Variants in LY75 observed in about 807,000 individuals in gnomAD.
The protein encoded by LY75 is lymphocyte antigen 75.
A neutral mutation model predicts 231.7 loss-of-function variants in LY75; 185 were observed. The observed-to-expected ratio is 0.80, with a 90% CI of 0.71 to 0.90. LY75 has a LOEUF of 0.90. Ranked by LOEUF, LY75 falls within the 40% of genes least tolerant of loss-of-function variation. The pLI, the probability that LY75 is intolerant of heterozygous loss-of-function variation, is 0.00. For missense variants in LY75, 1,947 were observed against 2,050.2 expected (o/e 0.95, Z 0.97); for synonymous variants, 668 against 689.0 (o/e 0.97, Z 0.48).
intron 31 of LY75, 78 bp downstream of exon 31, chr2:159,815,327 T>C: frequency 1.4e-6 from 2 of 1,478,040 alleles, no homozygotes; most frequent in South Asian, 2.8e-5. Context: ...TAAATAAAAA[T>C]TCCACTGAGC....
Position 159,879,430 on chromosome 2 carries a change from T to G in LY75, c.1405-61A>C. On this transcript the variant is annotated intron_variant, in intron 8 of 34. Transcript: ENST00000263636. ...AAATTATTTACCGCATATTCAGAAC[T>G]GAACTCACAAAAACTATGACAGAGA... 5 of 1,596,170 alleles carry G rather than the reference T, an allele frequency of 3.1e-6. No homozygotes were observed. In the South Asian group the frequency reaches 3.4e-5, roughly 11 times the overall value.
intron 6 of LY75, 107 bp from the exon 7 acceptor site, chr2:159,882,422 GA>G: frequency 6.9e-7 from 1 of 1,458,120 alleles, no homozygotes; most frequent in Non-Finnish European, 9.2e-7. Context: ...GAAAACTGGG[GA>G]CGTGATGTCA....
chr2:159,842,564 A>G (rs1684069419), intron 23 of LY75, among the ~76,000 whole-genome samples, 190 bp from the exon 24 acceptor site: 1 of 152,196 alleles, frequency 6.6e-6, no homozygotes, highest in Non-Finnish European at 1.5e-5. Context: ...AACTTTATAA[A>G]AAACAAAATA....
At chr2:159,893,600 C>T (rs1349820927) in intron 3 of LY75, among the ~76,000 whole-genome samples, 1 of 152,146 alleles carries the variant, frequency 6.6e-6, no homozygotes, top group Non-Finnish European at 1.5e-5. Context: ...CCCCTCTAGT[C>T]TTCTGAAACT....
intron 30 of LY75, 125 bp downstream of exon 30, chr2:159,816,681 T>C (rs569535342): frequency 5.9e-6 from 8 of 1,362,100 alleles, no homozygotes; most frequent in South Asian, 4.4e-5. Flanking sequence ...GAAAGCACCA[T>C]GCTATGCAAG....
At chr2:159,808,227 T>A (rs187933775) in intron 33 of LY75, 1 of 795,442 alleles carries the variant, frequency 1.3e-6, no homozygotes, top group Non-Finnish European at 1.5e-6. Context: ...CCACTTTATT[T>A]AACAGGATTT....
chr2:159,892,713 A>G (rs1685796944), intron 3 of LY75, among the ~76,000 whole-genome samples: 1 of 152,150 alleles, frequency 6.6e-6, no homozygotes, highest in Non-Finnish European at 1.5e-5. Flanking sequence ...TTGGTGAGAA[A>G]CTGTGTCTCA....
intron 11 of LY75, among the ~76,000 whole-genome samples, chr2:159,877,028 A>AAAAAAAAAAAAAAAAAAAAAAAAAAAG (rs1553810533): frequency 8.5e-6 from 1 of 117,094 alleles, no homozygotes; most frequent in Non-Finnish European, 1.8e-5. Context: ...AAAAAAAAAA[A>AAAAAAAAAAAAAAAAAAAAAAAAAAAG]AAAAAAGAAA....
intron 13 of LY75, 112 bp downstream of exon 13, chr2:159,872,339 A>T: frequency 7.1e-7 from 1 of 1,405,176 alleles, no homozygotes; most frequent in Non-Finnish European, 9.6e-7. Flanking sequence ...CTTTTAGATA[A>T]TAAAACATGT....
intron 3 of LY75, among the ~76,000 whole-genome samples, chr2:159,890,756 G>T (rs1685729630): frequency 6.6e-6 from 1 of 152,096 alleles, no homozygotes; most frequent in Admixed American, 6.5e-5. Flanking sequence ...CAGAGGGTTT[G>T]CCCACAGCCT....
At chr2:159,875,787 C>G in intron 11 of LY75, 144 bp from the exon 12 acceptor site, 1 of 1,021,338 alleles carries the variant, frequency 9.8e-7, no homozygotes, top group Non-Finnish European at 1.4e-6. Flanking sequence ...ATATGTTGTT[C>G]AGAATAATAA....
At chr2:159,817,093 T>C in intron 29 of LY75, 61 bp from the exon 30 acceptor site, 4 of 1,443,524 alleles carry the variant, frequency 2.8e-6, no homozygotes, top group Non-Finnish European at 3.7e-6. Flanking sequence ...ATCTTTTGGA[T>C]GAGACAACAT....
At chr2:159,864,673 G>A (rs1300150350) in intron 14 of LY75, among the ~76,000 whole-genome samples, 166 bp downstream of exon 14, 4 of 152,106 alleles carry the variant, frequency 2.6e-5, no homozygotes, top group African/African-American at 9.7e-5. Context: ...CTCAGGTAGT[G>A]TGATGGCCTC....
chr2:159,831,034 T>C (rs147913531), intron 28 of LY75, among the ~76,000 whole-genome samples: 1 of 152,238 alleles, frequency 6.6e-6, no homozygotes, highest in African/African-American at 2.4e-5. Context: ...AAGATTTATA[T>C]GGGATGGTGA....
In LY75 at chr2:159,808,092, G is replaced by A. The variant is rs1452289980; in HGVS notation, c.4822+357C>T. The A allele has an allele frequency of 3.0e-6, 3 of 984,988 alleles. No homozygotes were observed. In the East Asian group the frequency reaches 3.4e-4, roughly 112 times the overall value. 61.0% of individuals were successfully genotyped at this position (984,988 alleles called of 1,614,324 possible). On this transcript the variant is annotated intron_variant, in intron 33 of 34. Coordinates refer to ENST00000263636, the MANE Select transcript of LY75 (RefSeq NM_002349.4). ...GTTATAAGCTGCAAATCCATGCGGT[G>A]ACAGGCACTAGAACTCTAAGAGAAG...
intron 8 of LY75, among the ~76,000 whole-genome samples, chr2:159,880,768 G>A (rs1685411248): frequency 6.6e-6 from 1 of 152,170 alleles, no homozygotes; most frequent in Admixed American, 6.5e-5. Flanking sequence ...GGATGAAACT[G>A]TTCCACAAGG....
chr2:159,831,679 T>G lies in LY75; in HGVS notation c.3949A>C (p.Thr1317Pro). 1.9e-6 allele frequency: 3 copies of G among 1,608,934 alleles called. No individual in the cohort carries two copies. The highest frequency in any genetic ancestry group is 2.5e-6 in the Non-Finnish European group (3 of 1,178,698). Residue 1317 changes from threonine (T) to proline (P), a missense_variant, in exon 28 of 35, where the codon ACT becomes CCT. By Grantham distance (38) the Thr-to-Pro change is conservative. Transcript: ENST00000263636. The stretch of plus-strand genomic sequence containing the variant: ...CAGATTTACAACTTACTTCTATAAG[T>G]TATTCCTAACATGACCCATGAAGCC... ...YMASWVMLGI[T>P]YRNKSLMWFD...
intron 11 of LY75, among the ~76,000 whole-genome samples, chr2:159,876,116 G>A (rs561604694): frequency 6.6e-6 from 1 of 152,264 alleles, no homozygotes; most frequent in South Asian, 2.1e-4. Context: ...GTACAATAAA[G>A]GTAGAAGGAG....
intron 16 of LY75, 82 bp from the exon 17 acceptor site, chr2:159,855,021 G>A (rs1266305083): frequency 3.9e-6 from 6 of 1,555,554 alleles, no homozygotes; most frequent in East Asian, 4.6e-5. Context: ...AATGTAGCTC[G>A]AAAGGACTTG....
Sources: gnomAD v4.1 joint callset for allele counts (sites outside exome capture counted in the v4.1 genomes callset) on GRCh38, gnomAD v4.1.1 for gene constraint, MANE v1.5 for transcripts, NCBI Gene and HGNC (gene_info 2026-07-23, HGNC 2026-07-21) for gene names.